The following SHROOM3 variants were observed in gnomAD, a reference collection of about 807,000 sequenced individuals.
SHROOM3 encodes shroom family member 3, also known as protein Shroom3.
SHROOM3 carries 47 observed loss-of-function variants against 138.6 expected under a neutral mutation model. The observed-to-expected ratio is 0.34, with a 90% CI of 0.27 to 0.43. The LOEUF (loss-of-function observed/expected upper bound fraction) is 0.43, where lower values mean the gene tolerates loss of function less well. Among genes scored for constraint, SHROOM3 ranks in the 20% least tolerant of loss-of-function variants. SHROOM3 has a pLI of 1.00. For synonymous variants in SHROOM3, 1,062 were observed against 1,063.3 expected (o/e 1.00, Z 0.02); for missense variants, 2,491 against 2,596.5 (o/e 0.96, Z 0.88).
At chr4:76,643,347 C>A (rs1735729682) in intron 2 of SHROOM3, among the ~76,000 whole-genome samples, 2 of 152,066 alleles carry the variant, frequency 1.3e-5, no homozygotes, top group Non-Finnish European at 2.9e-5. Flanking sequence ...TTATTATTGG[C>A]CCCACTTGAC....
At chr4:76,777,779 A>AT (rs1722615625) in intron 10 of SHROOM3, among the ~76,000 whole-genome samples, 1 of 152,262 alleles carries the variant, frequency 6.6e-6, no homozygotes, top group Non-Finnish European at 1.5e-5. Flanking sequence ...GTTAAATATA[A>AT]TTTTTTTAAT....
At chr4:76,676,741 A>G (rs1719036803) in intron 2 of SHROOM3, among the ~76,000 whole-genome samples, 1 of 152,108 alleles carries the variant, frequency 6.6e-6, no homozygotes, top group Non-Finnish European at 1.5e-5. Flanking sequence ...TTGGAGAGCG[A>G]GACCATCCTG....
intron 2 of SHROOM3, among the ~76,000 whole-genome samples, chr4:76,608,536 A>ATAGCATAGCATAGCATAGCG (rs1734671672): frequency 1.5e-3 from 31 of 20,658 alleles, no homozygotes; most frequent in African/African-American, 5.5e-3. Flanking sequence ...ATGGCATAGC[A>ATAGCATAGCATAGCATAGCG]TAGCATAGCA....
At chr4:76,504,680 CT>C (rs1732173209) in intron 1 of SHROOM3, among the ~76,000 whole-genome samples, 1 of 152,176 alleles carries the variant, frequency 6.6e-6, no homozygotes, top group African/African-American at 2.4e-5. Flanking sequence ...TCCCCTGCCC[CT>C]AAAGTCCGAT....
intron 8 of SHROOM3, among the ~76,000 whole-genome samples, chr4:76,758,843 A>G (rs993951974): frequency 9.9e-5 from 15 of 152,238 alleles, no homozygotes; most frequent in African/African-American, 3.6e-4. Flanking sequence ...TTCAGTGGGT[A>G]GGATATGAAT....
rs747031600 is a variant in SHROOM3, at chr4:76,779,121, C to G, written c.5935C>G (p.Pro1979Ala). 1.9e-6 allele frequency: 3 copies of G among 1,614,174 alleles called. No homozygotes were observed. The Admixed American group carries it at 5.0e-5, about 27-fold the overall frequency. ...CCCAAACCTCACGAGTGAGCCCATT[C>G]CTGCTGGGGGCTGTACTTTCAGTGG... ...LPPNLTSEPI[P>A]AGGCTFSGIF... Residue 1979 changes from proline to alanine, a missense_variant, in exon 11 of 11, where the codon CCT (proline) becomes GCT (alanine). By Grantham distance (27) the Pro-to-Ala change is conservative (BLOSUM62 -1). This residue lies in a region of SHROOM3 where 470 missense variants were observed against 595.0 expected (regional missense o/e 0.79). Transcript: ENST00000296043.
rs568773032 is a variant in SHROOM3, at chr4:76,621,797, C to T, written c.323+66034C>T. On this transcript the variant is annotated intron_variant, in intron 2 of 10. Coordinates refer to ENST00000296043, the MANE Select transcript of SHROOM3 (RefSeq NM_020859.4). ...AGTTGCCTAAATAACATAGTTCCAG[C>T]GTTTTCTTTAGGTCTGAGACAGTTT... Among the ~76,000 whole-genome samples, 52 of 150,918 alleles carry T rather than the reference C, an allele frequency of 3.4e-4. 1 individual carries two copies. Among genetic ancestry groups the T allele is most frequent in the Admixed American group, 3.1e-3 (47 of 15,158 alleles).
chr4:76,774,473 A>T (rs1461956823), intron 10 of SHROOM3, among the ~76,000 whole-genome samples: 1 of 152,130 alleles, frequency 6.6e-6, no homozygotes, highest in Non-Finnish European at 1.5e-5. Context: ...GCTTTAACTG[A>T]ATCTCTAAAA....
intron 5 of SHROOM3, 97 bp downstream of exon 5, chr4:76,742,023 C>T: frequency 6.8e-7 from 1 of 1,469,424 alleles, no homozygotes; most frequent in South Asian, 1.2e-5. Context: ...CCCGCTCTCC[C>T]AGTTCAGTTT....
intron 2 of SHROOM3, among the ~76,000 whole-genome samples, chr4:76,605,454 C>T (rs887929412): frequency 1.1e-4 from 16 of 152,140 alleles, no homozygotes; most frequent in African/African-American, 3.9e-4. Flanking sequence ...GCCTTTTAGC[C>T]TCAACACATC....
At position 76,730,793 on chromosome 4, in the gene SHROOM3, T is replaced by A. The variant is rs1251456966; in HGVS notation, c.456-11T>A. 2.5e-6 allele frequency: 4 copies of A among 1,613,832 alleles called. No individual in the cohort carries two copies. Reference sequence around the variant, plus strand: ...GGCTAATGTTGGGGGGTCCCTCCTGTGTCTCCCCAGGCGCAGTGAGCCTGC... The same window carrying A: ...GGCTAATGTTGGGGGGTCCCTCCTGAGTCTCCCCAGGCGCAGTGAGCCTGC... On this transcript the variant is annotated splice_polypyrimidine_tract_variant and intron_variant, in intron 3 of 10. Coordinates refer to ENST00000296043, the MANE Select transcript of SHROOM3 (RefSeq NM_020859.4).
intron 9 of SHROOM3, among the ~76,000 whole-genome samples, chr4:76,767,302 TCAC>T (rs1313152176): frequency 6.6e-6 from 1 of 152,196 alleles, no homozygotes; most frequent in Admixed American, 6.5e-5. Flanking sequence ...CTCTCATCAC[TCAC>T]CACCACATGT....
At chr4:76,502,447 A>G (rs1014739614) in intron 1 of SHROOM3, among the ~76,000 whole-genome samples, 1 of 152,144 alleles carries the variant, frequency 6.6e-6, no homozygotes, top group African/African-American at 2.4e-5. Context: ...GGGTGGGGGC[A>G]GTCTTGTGGG....
chr4:76,508,708 T>A (rs1732266210), intron 1 of SHROOM3, among the ~76,000 whole-genome samples: 1 of 152,176 alleles, frequency 6.6e-6, no homozygotes, highest in Non-Finnish European at 1.5e-5. Context: ...TTTATTTAGG[T>A]CTTTTAAATT....
intron 1 of SHROOM3, among the ~76,000 whole-genome samples, chr4:76,505,222 T>C (rs1732185812): frequency 6.6e-6 from 1 of 152,218 alleles, no homozygotes; most frequent in Non-Finnish European, 1.5e-5. Flanking sequence ...CCCTGTGAAC[T>C]TAAGATTCCT....
In SHROOM3 at chr4:76,779,071, C is replaced by A. The variant is rs1560627867; in HGVS notation, c.5885C>A (p.Pro1962His). The A allele has an allele frequency of 6.2e-7, 1 of 1,614,166 alleles. No homozygotes were observed. Among genetic ancestry groups the A allele is most frequent in the Admixed American group, 1.7e-5 (1 of 60,020 alleles). The change falls in exon 11 of 11, where the codon CCC (proline) becomes CAC (histidine). Residue 1962 changes from proline to histidine, a missense_variant. Pro to His is a moderately conservative substitution (Grantham distance 77). Around this residue, in one of 4 missense-constraint regions of SHROOM3, gnomAD observed 470 missense variants for 595.0 expected, o/e 0.79. Coordinates refer to ENST00000296043, the MANE Select transcript of SHROOM3 (RefSeq NM_020859.4). ...LLESLPSDFI[P>H]KAGALALPPN... ...GAGAGCCTGCCCTCAGATTTCATTC[C>A]CAAGGCTGGGGCCCTGGCTCTGCCC...
chr4:76,668,441 C>T (rs1214086112), intron 2 of SHROOM3, among the ~76,000 whole-genome samples: 1 of 152,036 alleles, frequency 6.6e-6, no homozygotes, highest in African/African-American at 2.4e-5. Flanking sequence ...GACGTAGTGG[C>T]ACATGCCTGT....
rs1165737618 is a variant in SHROOM3 at position 76,710,246 on chromosome 4, A to G, written c.414A>G (p.Lys138=). 6.2e-7 allele frequency: 1 copy of G among 1,614,126 alleles called. No homozygotes were observed. The highest frequency in any genetic ancestry group is 2.2e-5 in the East Asian group (1 of 44,870). ...EHLTSGPQHR[K]AAWSGGVKLR... ...TCACCTCTGGCCCCCAGCACAGGAA[A>G]GCAGCGTGGTCAGGAGGGGTTAAAC... is the stretch of plus-strand genomic sequence containing the variant. Residue 138 remains lysine, a synonymous_variant, in exon 3 of 11, where the codon AAA becomes AAG. Coordinates refer to ENST00000296043, the MANE Select transcript of SHROOM3 (RefSeq NM_020859.4).
chr4:76,741,016 TG>T lies in SHROOM3; in HGVS notation c.2848del (p.Ala950ArgfsTer39). 6.7e-7 allele frequency: 1 copy of T among 1,486,022 alleles called. No individual in the cohort carries two copies. The allele number at this position is 1,486,022 out of a possible 1,614,324, so 92.1% of individuals were successfully genotyped here. ...TCCTTTCGACGTCGAGACCTGGAGC[TG>T]GGGGCGCCCGTGGCGTCGAGGTCCT... ...ATSFRRRDLE[L>X]GAPVASRSWR... On this transcript the variant is annotated frameshift_variant, in exon 5 of 11. Transcript: ENST00000296043. LOFTEE classifies it high-confidence loss of function. The surrounding 1 kb of genome is among the most constrained non-coding windows in gnomAD (Gnocchi z 6.2).
Sources: allele counts gnomAD v4.1 joint callset (sites outside exome capture counted in the v4.1 genomes callset), GRCh38; gene constraint gnomAD v4.1.1; regional missense constraint gnomAD v4.1.1; non-coding constraint Gnocchi (gnomAD v3.1); transcripts MANE v1.5; gene names NCBI Gene and HGNC (gene_info 2026-07-23, HGNC 2026-07-21).